The following PTPRT variants were observed in gnomAD, a reference collection of about 807,000 sequenced individuals.
The protein encoded by PTPRT is protein tyrosine phosphatase receptor type T.
PTPRT carries 56 observed loss-of-function variants against 176.8 expected under a neutral mutation model. The ratio of observed to expected loss-of-function variants is 0.32; its 90% confidence interval spans 0.26 to 0.40. PTPRT has a LOEUF of 0.40. PTPRT is among the 10% of genes least tolerant of loss of function. The probability of loss-of-function intolerance (pLI) is 1.00; values close to 1 mark genes in which losing one functional copy is unlikely to be tolerated. For synonymous variants in PTPRT, 783 were observed against 739.0 expected (o/e 1.06, Z -0.96); for missense variants, 1,540 against 1,908.2 (o/e 0.81, Z 3.60).
chr20:42,081,320 G>C (rs183438245), intron 30 of PTPRT, among the ~76,000 whole-genome samples: 2 of 152,232 alleles, frequency 1.3e-5, no homozygotes, highest in East Asian at 3.9e-4. Context: ...GCTGCTGCTG[G>C]TCTGTGACCC....
chr20:42,842,789 A>G (rs960621298), intron 2 of PTPRT, among the ~76,000 whole-genome samples: 7 of 152,182 alleles, frequency 4.6e-5, no homozygotes, highest in African/African-American at 1.4e-4. Flanking sequence ...TCCATGTCTG[A>G]TGAAGGCCTC....
At chr20:42,096,767 T>A (rs1218450474) in intron 27 of PTPRT, among the ~76,000 whole-genome samples, 1 of 137,302 alleles carries the variant, frequency 7.3e-6, no homozygotes, top group Non-Finnish European at 1.7e-5. Flanking sequence ...TTTTTTTTTT[T>A]TTTTTTTTTT....
chr20:43,170,881 T>C (rs1475350330), intron 1 of PTPRT, among the ~76,000 whole-genome samples: 3 of 152,220 alleles, frequency 2.0e-5, no homozygotes, highest in Non-Finnish European at 4.4e-5. Flanking sequence ...AACAATATAG[T>C]CAATCTTCAC....
At chr20:42,395,528 T>A (rs1210529326) in intron 9 of PTPRT, among the ~76,000 whole-genome samples, 23 of 152,184 alleles carry the variant, frequency 1.5e-4, no homozygotes, top group Admixed American at 1.4e-3. Flanking sequence ...ACTCCCCACC[T>A]TTTGATCAGA....
intron 5 of PTPRT, among the ~76,000 whole-genome samples, chr20:42,768,861 T>A (rs2077022870): frequency 6.6e-6 from 1 of 152,176 alleles, no homozygotes; most frequent in Non-Finnish European, 1.5e-5. Flanking sequence ...TCAGTTATGA[T>A]CTCTTTAACA....
At chr20:42,216,701 T>C (rs1201693726) in intron 15 of PTPRT, among the ~76,000 whole-genome samples, 1 of 152,240 alleles carries the variant, frequency 6.6e-6, no homozygotes, top group Non-Finnish European at 1.5e-5. Context: ...ATTCCTTTAT[T>C]GTTGCATCGT....
intron 2 of PTPRT, among the ~76,000 whole-genome samples, chr20:42,872,510 T>C (rs1027458262): frequency 2.6e-5 from 4 of 152,158 alleles, no homozygotes; most frequent in African/African-American, 9.7e-5. Flanking sequence ...TGAAGACAAA[T>C]TCCTCTGCAA....
chr20:42,625,955 T>C (rs762390429), intron 7 of PTPRT, among the ~76,000 whole-genome samples: 3 of 150,458 alleles, frequency 2.0e-5, no homozygotes, highest in Non-Finnish European at 3.0e-5. Context: ...TTCTACAAAA[T>C]GGAACTTTTC....
chr20:43,173,084 G>A (rs953572819), intron 1 of PTPRT, among the ~76,000 whole-genome samples: 5 of 151,822 alleles, frequency 3.3e-5, no homozygotes, highest in African/African-American at 7.3e-5. Context: ...TGTTGGTCAC[G>A]GCTGGTCTCG....
intron 1 of PTPRT, among the ~76,000 whole-genome samples, chr20:43,035,067 A>C (rs1242140639): frequency 6.6e-6 from 1 of 152,172 alleles, no homozygotes; most frequent in Non-Finnish European, 1.5e-5. Flanking sequence ...ACAAAGGAAA[A>C]TACAGCACTA....
At chr20:43,023,336 T>C (rs529046969) in intron 1 of PTPRT, among the ~76,000 whole-genome samples, 2 of 152,324 alleles carry the variant, frequency 1.3e-5, no homozygotes, top group South Asian at 4.1e-4. Flanking sequence ...GTCAACTGCA[T>C]GCTCATGCTG....
chr20:42,676,739 G>C (rs73266042), intron 7 of PTPRT, among the ~76,000 whole-genome samples: 8,337 of 152,174 alleles, frequency 0.055, 715 homozygotes, highest in African/African-American at 0.18. Context: ...AGTTTACTTG[G>C]TGTGAAAAAA....
chr20:42,675,297 T>C (rs2075482621), intron 7 of PTPRT, among the ~76,000 whole-genome samples: 1 of 152,236 alleles, frequency 6.6e-6, no homozygotes, highest in Admixed American at 6.5e-5. Flanking sequence ...CGTTTCAGAT[T>C]TCAGATTTTC....
rs115949827 is a variant in PTPRT, at chr20:42,785,701, T to C, written c.487-5402A>G. On this transcript the variant is annotated intron_variant, in intron 3 of 30. Coordinates refer to ENST00000373187, the MANE Select transcript of PTPRT (RefSeq NM_007050.6). ...AGCCAATAAGGTGCAAATCAGAAAATTCTCCCAGATGAGGCTACTTATCCA... is the reference window on the plus strand; with the variant it reads ...AGCCAATAAGGTGCAAATCAGAAAACTCTCCCAGATGAGGCTACTTATCCA... Among the ~76,000 whole-genome samples, 759 of 152,194 alleles carry C rather than the reference T, an allele frequency of 5.0e-3. 4 individuals carry two copies. Among genetic ancestry groups the C allele is most frequent in the African/African-American group, 0.017 (719 of 41,532 alleles).
At chr20:42,713,425 T>C (rs1413447515) in intron 6 of PTPRT, among the ~76,000 whole-genome samples, 1 of 152,328 alleles carries the variant, frequency 6.6e-6, no homozygotes, top group South Asian at 2.1e-4. Context: ...ATCTTCCTCC[T>C]GGAGCCCACT....
At chr20:42,519,941 T>C (rs2072140456) in intron 7 of PTPRT, among the ~76,000 whole-genome samples, 1 of 152,172 alleles carries the variant, frequency 6.6e-6, no homozygotes, top group Non-Finnish European at 1.5e-5. Flanking sequence ...ATTTGGTACA[T>C]ACAAATTTAG....
chr20:42,383,048 A>G (rs1224938280), intron 9 of PTPRT, among the ~76,000 whole-genome samples: 1 of 152,176 alleles, frequency 6.6e-6, no homozygotes, highest in Non-Finnish European at 1.5e-5. Flanking sequence ...AATCTCTCTA[A>G]ACCTCAGTTT....
At chr20:42,063,532 T>C in the PTPRT span, 2 of 152,214 alleles carry the variant, frequency 1.3e-5, no homozygotes, top group East Asian at 3.9e-4. Flanking sequence ...ACTGGTGGAA[T>C]GTAGCAGGAA....
chr20:42,840,225 C>CAT (rs3064924), intron 2 of PTPRT, among the ~76,000 whole-genome samples: 109,895 of 151,566 alleles, frequency 0.73, 40,037 homozygotes, highest in East Asian at 0.82. Flanking sequence ...TGCGTTGTCA[C>CAT]GTTTTTCTCC....
Sources: allele counts gnomAD v4.1 joint callset (sites outside exome capture counted in the v4.1 genomes callset), GRCh38; gene constraint gnomAD v4.1.1; transcripts MANE v1.5; gene names NCBI Gene and HGNC (gene_info 2026-07-23, HGNC 2026-07-21).